ARHGAP32: variants seen among roughly 807,000 people sequenced by gnomAD.
ARHGAP32 encodes Rho GTPase activating protein 32.
A neutral mutation model predicts 186.5 loss-of-function variants in ARHGAP32; 51 were observed. That is an observed-to-expected ratio of 0.27 (90% CI 0.22 to 0.35). The LOEUF (loss-of-function observed/expected upper bound fraction) is 0.35, where lower values mean the gene tolerates loss of function less well. Among genes scored for constraint, ARHGAP32 ranks in the 10% least tolerant of loss-of-function variants. The pLI is 1.00. For synonymous variants in ARHGAP32, 950 were observed against 964.3 expected (o/e 0.99, Z 0.27); for missense variants, 2,186 against 2,623.5 (o/e 0.83, Z 3.64).
At chr11:129,193,657 C>T (rs1279338419), upstream of ARHGAP32, among the ~76,000 whole-genome samples, 306 of 43,274 alleles carry the variant, frequency 7.1e-3, no homozygotes, top group Middle Eastern at 0.014. Flanking sequence ...AATACATATA[C>T]AATATATATT....
chr11:129,040,102 C>T lies in ARHGAP32; in HGVS notation c.1045+826G>A, dbSNP rs543429268. 3.8e-3 allele frequency among the ~76,000 whole-genome samples: 573 copies of T among 151,516 alleles called. 2 individuals are homozygous for T. The highest frequency in any genetic ancestry group is 0.013 in the African/African-American group (548 of 41,394). ...CTTTGGGAGCAGAAGTGGGAAAATA[C>T]CAAAAGAGTAAAGAATAACTGTTTT... On this transcript the variant is annotated intron_variant, in intron 11 of 22. Coordinates refer to ENST00000682385, the MANE Select transcript of ARHGAP32 (RefSeq NM_001378024.1).
chr11:129,274,582 G>C (rs1458688929), intron 1 of ARHGAP32, among the ~76,000 whole-genome samples: 1 of 152,070 alleles, frequency 6.6e-6, no homozygotes, highest in Admixed American at 6.5e-5. Context: ...GTTTAACTCA[G>C]AACAATGGCC....
At chr11:129,206,944 CCTCT>C (rs1239074777) in intron 1 of ARHGAP32, among the ~76,000 whole-genome samples, 8 of 151,964 alleles carry the variant, frequency 5.3e-5, no homozygotes, top group Non-Finnish European at 4.4e-5. Context: ...GTGATGTTCC[CCTCT>C]CTGTGTCCAT....
At position 128,968,936 on chromosome 11, in the gene ARHGAP32, G is replaced by A. The variant is rs1482165732; in HGVS notation, c.6277C>T (p.His2093Tyr). Reference sequence around the variant, plus strand: ...TCTGCATGGATCTGTGTTTCAGGATGCTGCAAGGACAACTCTGCGGGCAGG... The same window carrying A: ...TCTGCATGGATCTGTGTTTCAGGATACTGCAAGGACAACTCTGCGGGCAGG... ...AFLPAELSLQHPETQIHAE is the reference protein window; with the variant it reads ...AFLPAELSLQYPETQIHAE The change falls in exon 23 of 23, where the codon CAT becomes TAT. Residue 2093 changes from histidine (H) to tyrosine (Y), a missense_variant. Transcript: ENST00000682385. 1.3e-6 allele frequency: 2 copies of A among 1,544,572 alleles called. No individual in the cohort carries two copies. Among genetic ancestry groups the A allele is most frequent in the South Asian group, 1.2e-5 (1 of 80,652 alleles).
At chr11:129,145,429 A>G (rs1307678218) in intron 2 of ARHGAP32, among the ~76,000 whole-genome samples, 1 of 152,120 alleles carries the variant, frequency 6.6e-6, no homozygotes, top group Admixed American at 6.6e-5. Context: ...AATTTCTAAT[A>G]AAGGAAGAAA....
intron 1 of ARHGAP32, among the ~76,000 whole-genome samples, chr11:129,177,045 C>A (rs1943931817): frequency 6.7e-6 from 1 of 148,886 alleles, no homozygotes; most frequent in African/African-American, 2.5e-5. Flanking sequence ...GCTAGCAAGA[C>A]TAATAAAGAA....
intron 1 of ARHGAP32, among the ~76,000 whole-genome samples, chr11:129,244,059 A>G (rs1945054856): frequency 6.6e-6 from 1 of 152,224 alleles, no homozygotes; most frequent in African/African-American, 2.4e-5. Context: ...CTGTGCATCA[A>G]TAATAAAATA....
At chr11:128,992,781 C>T (rs61910960) in intron 12 of ARHGAP32, among the ~76,000 whole-genome samples, 16,914 of 151,982 alleles carry the variant, frequency 0.11, 1,207 homozygotes, top group Non-Finnish European at 0.15. Flanking sequence ...GAGCAAAACT[C>T]CGTATCAAAA....
At chr11:129,220,015 T>G (rs1366407349) in intron 1 of ARHGAP32, among the ~76,000 whole-genome samples, 1 of 152,144 alleles carries the variant, frequency 6.6e-6, no homozygotes, top group Non-Finnish European at 1.5e-5. Flanking sequence ...GGACAAAAAG[T>G]GAGAAGAAAT....
At chr11:129,091,082 G>A (rs1858903633) in intron 6 of ARHGAP32, among the ~76,000 whole-genome samples, 2 of 152,088 alleles carry the variant, frequency 1.3e-5, no homozygotes, top group Non-Finnish European at 2.9e-5. Context: ...TAATTACTAT[G>A]AAAGGGAGGG....
At chr11:128,985,880 A>G in intron 15 of ARHGAP32, 123 bp downstream of exon 15, 1 of 256,674 alleles carries the variant, frequency 3.9e-6, no homozygotes, top group South Asian at 7.6e-5. Flanking sequence ...ATATATATAT[A>G]TATATGAAAT....
At chr11:129,027,199 C>T (rs966893346) in intron 11 of ARHGAP32, among the ~76,000 whole-genome samples, 1 of 152,086 alleles carries the variant, frequency 6.6e-6, no homozygotes, top group Admixed American at 6.5e-5. Flanking sequence ...AAGCAGATCA[C>T]TTCTCATCAC....
intron 1 of ARHGAP32, among the ~76,000 whole-genome samples, chr11:129,216,688 A>G (rs1040494764): frequency 1.4e-5 from 2 of 139,988 alleles, no homozygotes; most frequent in Non-Finnish European, 3.2e-5. Context: ...AAAAAAAAAA[A>G]AAAAAGACAA....
chr11:129,272,475 A>T (rs1203386008), intron 1 of ARHGAP32, among the ~76,000 whole-genome samples: 1 of 152,204 alleles, frequency 6.6e-6, no homozygotes, highest in East Asian at 1.9e-4. Flanking sequence ...ACAACCCAGA[A>T]ATCACACATA....
chr11:129,093,086 G>T (rs1170694743), intron 6 of ARHGAP32, among the ~76,000 whole-genome samples: 1 of 151,962 alleles, frequency 6.6e-6, no homozygotes, highest in South Asian at 2.1e-4. Context: ...ACAAAAACAT[G>T]CACATATCCT....
chr11:129,096,637 A>T (rs778725227), intron 5 of ARHGAP32, among the ~76,000 whole-genome samples: 1 of 150,814 alleles, frequency 6.6e-6, no homozygotes, highest in Non-Finnish European at 1.5e-5. Context: ...CACTGCCTCC[A>T]AATTTCAGAG....
At chr11:128,997,867 G>C (rs7121528) in intron 12 of ARHGAP32, among the ~76,000 whole-genome samples, 28,793 of 152,016 alleles carry the variant, frequency 0.19, 2,895 homozygotes, top group Non-Finnish European at 0.22. Context: ...GCACTCCAGC[G>C]TGGGCAACAA....
At chr11:129,093,298 T>G (rs780304499) in intron 6 of ARHGAP32, among the ~76,000 whole-genome samples, 4 of 152,060 alleles carry the variant, frequency 2.6e-5, no homozygotes, top group African/African-American at 4.8e-5. Context: ...ACAAAAAATC[T>G]TGATTACCAC....
chr11:129,086,636 A>G (rs1222473640), intron 6 of ARHGAP32, among the ~76,000 whole-genome samples: 1 of 152,122 alleles, frequency 6.6e-6, no homozygotes, highest in East Asian at 1.9e-4. Context: ...CCCGGCTAGC[A>G]CGGTGAAACC....
Sources: allele counts gnomAD v4.1 joint callset (sites outside exome capture counted in the v4.1 genomes callset), GRCh38; gene constraint gnomAD v4.1.1; transcripts MANE v1.5; gene names NCBI Gene and HGNC (gene_info 2026-07-23, HGNC 2026-07-21).